DHRSX: variants seen among roughly 807,000 people sequenced by gnomAD.
DHRSX encodes dehydrogenase/reductase X-linked, also known as polyprenol dehydrogenase.
In DHRSX, 31 loss-of-function variants were observed where a neutral mutation model predicts 34.0. The ratio of observed to expected loss-of-function variants is 0.91; its 90% CI spans 0.69 to 1.23. The LOEUF (loss-of-function observed/expected upper bound fraction) is 1.23. DHRSX is among the 50% of genes most tolerant of loss of function. The pLI is 0.00. For synonymous variants in DHRSX, 201 were observed against 183.8 expected, an observed-to-expected ratio of 1.09 and a Z score of -0.76; for missense variants, 414 against 428.1, an observed-to-expected ratio of 0.97 and a Z score of 0.29.
chrX:2,335,260 C>T (rs867762750), intron 3 of DHRSX, among the ~76,000 whole-genome samples: 3 of 151,420 alleles, frequency 2.0e-5, no homozygotes, highest in Admixed American at 6.7e-5. Flanking sequence ...GTGGTCCTGA[C>T]GACATGTTCC....
intron 6 of DHRSX, among the ~76,000 whole-genome samples, chrX:2,235,895 C>T (rs1255853979): frequency 6.7e-6 from 1 of 150,174 alleles, no homozygotes; most frequent in Non-Finnish European, 1.5e-5. Flanking sequence ...GGGCGGATCA[C>T]GAGGTCAAGA....
intron 2 of DHRSX, among the ~76,000 whole-genome samples, chrX:2,420,363 G>A (rs1422554989): frequency 7.3e-5 from 11 of 151,238 alleles, no homozygotes; most frequent in Middle Eastern, 3.4e-3. Context: ...AGCTGAGATC[G>A]CGCCACTGCA....
At chrX:2,271,123 C>T (rs1202490320) in intron 4 of DHRSX, among the ~76,000 whole-genome samples, 1 of 152,224 alleles carries the variant, frequency 6.6e-6, no homozygotes, top group East Asian at 1.9e-4. Flanking sequence ...TCTACACTAC[C>T]TGTATGAGCT....
At chrX:2,385,034 C>A (rs193036042) in intron 3 of DHRSX, among the ~76,000 whole-genome samples, 3,879 of 151,736 alleles carry the variant, frequency 0.026, 171 homozygotes, top group African/African-American at 0.088. Context: ...GCCTGGAAGG[C>A]GGAGGTTGTA....
chrX:2,356,921 TATTAATA>T (rs1434716343), intron 3 of DHRSX, among the ~76,000 whole-genome samples: 9 of 152,136 alleles, frequency 5.9e-5, no homozygotes, highest in Admixed American at 2.0e-4. Flanking sequence ...AACAGTAGGC[TATTAATA>T]ATTAAGTTTT....
intron 3 of DHRSX, among the ~76,000 whole-genome samples, chrX:2,298,682 AC>A (rs1380858399): frequency 7.1e-6 from 1 of 141,578 alleles, no homozygotes; most frequent in African/African-American, 3.2e-5. Flanking sequence ...GAGAACCCTT[AC>A]TTTTAAAGTT....
intron 2 of DHRSX, among the ~76,000 whole-genome samples, chrX:2,412,427 G>A: frequency 6.6e-6 from 1 of 152,184 alleles, no homozygotes; most frequent in South Asian, 2.1e-4. Context: ...TTGGACAGGA[G>A]ACTATAGTTT....
chrX:2,435,143 G>A (rs1180249300), intron 1 of DHRSX, among the ~76,000 whole-genome samples: 1 of 151,928 alleles, frequency 6.6e-6, no homozygotes, highest in Non-Finnish European at 1.5e-5. Context: ...GACGGGAGAG[G>A]AGGTTGAGGT....
intron 5 of DHRSX, among the ~76,000 whole-genome samples, chrX:2,246,298 T>C (rs949502751): frequency 1.3e-5 from 2 of 152,088 alleles, no homozygotes; most frequent in Non-Finnish European, 2.9e-5. Flanking sequence ...ATCCAATGCC[T>C]CTTACCAACA....
intron 6 of DHRSX, among the ~76,000 whole-genome samples, chrX:2,224,200 A>G (rs2015583864): frequency 6.6e-6 from 1 of 152,128 alleles, no homozygotes; most frequent in African/African-American, 2.4e-5. Flanking sequence ...TGTCTTGACC[A>G]TGTAGTATGA....
intron 1 of DHRSX, among the ~76,000 whole-genome samples, chrX:2,491,669 C>A (rs999803320): frequency 2.0e-5 from 3 of 152,206 alleles, no homozygotes; most frequent in African/African-American, 7.2e-5. Flanking sequence ...AAAATGAAGC[C>A]ATGTGGAACG....
At chrX:2,338,837 C>A (rs1052028008) in intron 3 of DHRSX, among the ~76,000 whole-genome samples, 4 of 151,894 alleles carry the variant, frequency 2.6e-5, no homozygotes, top group Non-Finnish European at 5.9e-5. Flanking sequence ...GACACAAAAC[C>A]GACGAAGACA....
At chrX:2,304,626 C>T (rs954162710) in intron 3 of DHRSX, among the ~76,000 whole-genome samples, 7 of 152,094 alleles carry the variant, frequency 4.6e-5, no homozygotes, top group Admixed American at 4.6e-4. Context: ...CTCTGTCTCT[C>T]CTTCTCTTGC....
At chrX:2,318,380 G>A (rs777742102) in intron 3 of DHRSX, among the ~76,000 whole-genome samples, 14 of 151,846 alleles carry the variant, frequency 9.2e-5, no homozygotes, top group Non-Finnish European at 2.1e-4. Context: ...CTTCCAGCCA[G>A]ATGAATGCAC....
chrX:2,347,389 T>C (rs2042733483), intron 3 of DHRSX, among the ~76,000 whole-genome samples: 2 of 152,088 alleles, frequency 1.3e-5, no homozygotes, highest in Non-Finnish European at 2.9e-5. Flanking sequence ...CCACAACAGG[T>C]GGGAATACAA....
intron 1 of DHRSX, among the ~76,000 whole-genome samples, chrX:2,485,663 G>A (rs1364543416): frequency 2.8e-5 from 2 of 71,338 alleles, no homozygotes; most frequent in African/African-American, 1.5e-4. Context: ...GAGGGATGGG[G>A]GAAGGAGGGA....
At chrX:2,256,289 G>GC (rs1197126777) in intron 5 of DHRSX, among the ~76,000 whole-genome samples, 2 of 150,790 alleles carry the variant, frequency 1.3e-5, no homozygotes, top group Non-Finnish European at 1.5e-5. Context: ...CACTGTGCCT[G>GC]CCCTTTTTTT....
At chrX:2,331,917 C>G (rs1268277907) in intron 3 of DHRSX, among the ~76,000 whole-genome samples, 1 of 152,160 alleles carries the variant, frequency 6.6e-6, no homozygotes, top group Non-Finnish European at 1.5e-5. Flanking sequence ...GCAACCACCA[C>G]CCTGATCAGT....
At position 2,370,590 on chromosome X, in the gene DHRSX, G is replaced by GAAAAAAAAAAAAAA. The variant is rs59435030; in HGVS notation, c.286+38141_286+38154dup. On this transcript the variant is annotated intron_variant, in intron 3 of 6. Transcript: ENST00000334651. ...TTGTCTTCCAGAAAATGGTTTTACTGAAAAAAAAAAAAAAAAAATTCCCTT... is the reference window on the plus strand; with the variant it reads ...TTGTCTTCCAGAAAATGGTTTTACTGAAAAAAAAAAAAAAAAAAAAAAAAAAAAAAAATTCCCTT... Among the ~76,000 whole-genome samples, 402 of 132,564 alleles carry GAAAAAAAAAAAAAA rather than the reference G, an allele frequency of 3.0e-3. 9 individuals are homozygous for GAAAAAAAAAAAAAA. Among genetic ancestry groups the GAAAAAAAAAAAAAA allele is most frequent in the East Asian group, 0.012 (53 of 4,398 alleles). 87.0% of individuals were successfully genotyped at this position (132,564 alleles called of 152,430 possible). A position where few individuals can be genotyped will look rare whatever the true frequency, so the allele number is the denominator to read the frequency against.
Sources: allele counts gnomAD v4.1 joint callset (sites outside exome capture counted in the v4.1 genomes callset), GRCh38; gene constraint gnomAD v4.1.1; transcripts MANE v1.5; gene names NCBI Gene and HGNC (gene_info 2026-07-23, HGNC 2026-07-21).